The following PRDM5 variants were observed in gnomAD, a reference collection of about 807,000 sequenced individuals.
PRDM5 encodes the protein PR domain zinc finger protein 5.
PRDM5 carries 56 observed loss-of-function variants against 81.2 expected under a neutral mutation model. The observed-to-expected ratio is 0.69, with a 90% CI of 0.56 to 0.86. The LOEUF is 0.86. Ranked by LOEUF, PRDM5 falls within the 40% of genes least tolerant of loss-of-function variation. PRDM5 has a pLI of 0.00. For synonymous variants in PRDM5, 267 were observed against 256.4 expected (o/e 1.04, Z -0.39); for missense variants, 697 against 770.1 (o/e 0.91, Z 1.12).
chr4:120,818,098 C>A, intron 5 of PRDM5: 1 of 398,022 alleles, frequency 2.5e-6, no homozygotes, highest in Non-Finnish European at 4.6e-6. Flanking sequence ...AATAAATGGA[C>A]AAAAACTAAT....
intron 1 of PRDM5, among the ~76,000 whole-genome samples, chr4:120,922,007 G>T (rs1724993088): frequency 6.6e-6 from 1 of 152,230 alleles, no homozygotes. Flanking sequence ...CCTGCGTGGA[G>T]CGGCGCTCTG....
chr4:120,701,067 G>A (rs1230761622), intron 15 of PRDM5, among the ~76,000 whole-genome samples: 1 of 152,054 alleles, frequency 6.6e-6, no homozygotes, highest in African/African-American at 2.4e-5. Flanking sequence ...GGAGGTTGCA[G>A]TGAGCCAAGA....
chr4:120,881,805 C>T (rs1762870564), intron 2 of PRDM5, among the ~76,000 whole-genome samples: 1 of 152,154 alleles, frequency 6.6e-6, no homozygotes, highest in South Asian at 2.1e-4. Flanking sequence ...CTCAATTGAT[C>T]TTCCTTATTG....
intron 3 of PRDM5, among the ~76,000 whole-genome samples, chr4:120,829,087 G>A (rs2136997): frequency 0.25 from 38,330 of 151,938 alleles, 5,618 homozygotes; most frequent in East Asian, 0.36. Context: ...CCCTACTAAA[G>A]CAAAGCATGG....
At chr4:120,753,288 T>A (rs1347093067) in intron 14 of PRDM5, among the ~76,000 whole-genome samples, 3 of 152,230 alleles carry the variant, frequency 2.0e-5, no homozygotes, top group African/African-American at 7.2e-5. Context: ...ATATTTTGGA[T>A]ATTGTACATT....
chr4:120,714,023 C>T (rs1737392337), intron 14 of PRDM5, among the ~76,000 whole-genome samples: 1 of 152,190 alleles, frequency 6.6e-6, no homozygotes, highest in Non-Finnish European at 1.5e-5. Context: ...AGGTCCCACT[C>T]TCTAATACCA....
intron 3 of PRDM5, chr4:120,837,348 T>G (rs1757478426): frequency 6.6e-6 from 1 of 152,246 alleles, no homozygotes; most frequent in African/African-American, 2.4e-5. Context: ...TGTTTTTACT[T>G]ATTGACTGAC....
intron 2 of PRDM5, among the ~76,000 whole-genome samples, chr4:120,857,167 C>T (rs1300989509): frequency 6.6e-6 from 1 of 152,024 alleles, no homozygotes; most frequent in African/African-American, 2.4e-5. Context: ...ACCAGCCTGG[C>T]CAATATATAG....
Position 120,694,796 on chromosome 4 carries a change from A to G in PRDM5, c.*315T>C, listed in dbSNP as rs1347174730. 3 of 334,986 alleles carry G rather than the reference A, an allele frequency of 9.0e-6. No homozygotes were observed. Among genetic ancestry groups the G allele is most frequent in the African/African-American group, 6.3e-5 (3 of 47,304 alleles). The allele number at this position is 334,986 out of a possible 1,614,324, so 20.8% of individuals were successfully genotyped here. A position where few individuals can be genotyped will look rare whatever the true frequency, so the allele number is the denominator to read the frequency against. On this transcript the variant is annotated 3_prime_UTR_variant, in exon 16 of 16. Coordinates refer to ENST00000264808, the MANE Select transcript of PRDM5 (RefSeq NM_018699.4). ...AAATAAAAAGGCCTATTAGGGAAGTATATTATAAACTTCATTACAGAGGGA... is the reference window on the plus strand; with the variant it reads ...AAATAAAAAGGCCTATTAGGGAAGTGTATTATAAACTTCATTACAGAGGGA...
intron 13 of PRDM5, among the ~76,000 whole-genome samples, chr4:120,757,191 A>C (rs1422966783): frequency 6.6e-6 from 1 of 152,202 alleles, no homozygotes; most frequent in Non-Finnish European, 1.5e-5. Context: ...AATTTTACCT[A>C]CTGTTATAAT....
chr4:120,736,494 G>A (rs1741151697), intron 14 of PRDM5, among the ~76,000 whole-genome samples: 2 of 152,102 alleles, frequency 1.3e-5, no homozygotes, highest in South Asian at 4.2e-4. Flanking sequence ...CCAACACTCT[G>A]AGATCACTGA....
At chr4:120,710,935 G>A (rs1736886068) in intron 14 of PRDM5, among the ~76,000 whole-genome samples, 1 of 152,160 alleles carries the variant, frequency 6.6e-6, no homozygotes, top group Admixed American at 6.5e-5. Flanking sequence ...ATATTTTCAG[G>A]AGAAATAGGA....
chr4:120,836,888 G>A (rs927502728), intron 3 of PRDM5, among the ~76,000 whole-genome samples: 1 of 152,106 alleles, frequency 6.6e-6, no homozygotes, highest in African/African-American at 2.4e-5. Context: ...TAAGCATAGT[G>A]CCAATTACTA....
chr4:120,904,206 C>CCTCCTTCCTTT (rs1765535049), intron 2 of PRDM5, among the ~76,000 whole-genome samples: 1 of 108,216 alleles, frequency 9.2e-6, no homozygotes, highest in African/African-American at 3.7e-5. Flanking sequence ...AAAAAAAAAA[C>CCTCCTTCCTTT]AAAAAAACCT....
intron 14 of PRDM5, among the ~76,000 whole-genome samples, chr4:120,720,033 C>T (rs1738362040): frequency 6.6e-6 from 1 of 152,050 alleles, no homozygotes; most frequent in Non-Finnish European, 1.5e-5. Flanking sequence ...TCACTGTGAG[C>T]CACAAAAACG....
chr4:120,884,361 C>T (rs1763173456), intron 2 of PRDM5, among the ~76,000 whole-genome samples: 1 of 152,024 alleles, frequency 6.6e-6, no homozygotes, highest in Non-Finnish European at 1.5e-5. Context: ...TACACTTTTC[C>T]TACCTTCATT....
intron 14 of PRDM5, among the ~76,000 whole-genome samples, chr4:120,731,098 T>C (rs1740184715): frequency 6.6e-6 from 1 of 152,170 alleles, no homozygotes; most frequent in African/African-American, 2.4e-5. Flanking sequence ...CACTTGAATA[T>C]TGACTATGAC....
chr4:120,907,546 G>A lies in PRDM5; in HGVS notation c.105C>T (p.Phe35=), dbSNP rs867609248. ...TARRVRKGEK[F]GPFAGEKRMP... Reference sequence around the variant, plus strand: ...TTCTCTTCTCTCCAGCAAAGGGTCCGAACTTTTCACCCTGAGTAGCAATGA... The same window carrying A: ...TTCTCTTCTCTCCAGCAAAGGGTCCAAACTTTTCACCCTGAGTAGCAATGA... The change falls in exon 2 of 16, where the codon TTC becomes TTT. Residue 35 remains phenylalanine (F), a synonymous_variant. Transcript: ENST00000264808. The A allele has an allele frequency of 6.2e-6, 10 of 1,610,762 alleles. No homozygotes were observed. Among genetic ancestry groups the A allele is most frequent in the Middle Eastern group, 3.3e-4 (2 of 6,060 alleles).
chr4:120,907,534 A>G lies in PRDM5; in HGVS notation c.117T>C (p.Ala39=), dbSNP rs1765971864. The G allele has an allele frequency of 6.2e-7, 1 of 1,612,834 alleles. No individual in the cohort carries two copies. Among genetic ancestry groups the G allele is most frequent in the Non-Finnish European group, 8.5e-7 (1 of 1,178,854 alleles). Residue 39 remains alanine, a synonymous_variant, in exon 2 of 16, where the codon GCT becomes GCC. Transcript: ENST00000264808. ...VRKGEKFGPF[A]GEKRMPEDLD... ...AGTCTTCAGGCATTCTCTTCTCTCC[A>G]GCAAAGGGTCCGAACTTTTCACCCT...
Sources: allele counts gnomAD v4.1 joint callset (sites outside exome capture counted in the v4.1 genomes callset), GRCh38; gene constraint gnomAD v4.1.1; transcripts MANE v1.5; gene names NCBI Gene and HGNC (gene_info 2026-07-23, HGNC 2026-07-21).